The following BABAM2 variants were observed in gnomAD, a reference collection of about 807,000 sequenced individuals.
BABAM2 encodes the protein BRISC and BRCA1-A complex member 2.
Under a neutral mutation model 54.7 loss-of-function variants are expected in BABAM2, and 31 were observed. That is an observed-to-expected ratio of 0.57 (90% confidence interval 0.43 to 0.77). BABAM2 has a LOEUF of 0.77. Ranked by LOEUF, BABAM2 falls within the 30% of genes least tolerant of loss-of-function variation. The pLI is 0.00. For missense variants in BABAM2, 364 were observed against 455.8 expected, an observed-to-expected ratio of 0.80 and a Z score of 1.83; for synonymous variants, 167 against 162.9, an observed-to-expected ratio of 1.03 and a Z score of -0.19.
Position 28,282,774 on chromosome 2 carries a change from C to T in BABAM2, c.935-15564C>T, listed in dbSNP as rs1023179335. The stretch of plus-strand genomic sequence containing the variant: ...CAGTATTTTGGGAGGCCGAGGTGGG[C>T]GAATCACGAGGTCAGGAGTTCAAGA... On this transcript the variant is annotated intron_variant, in intron 10 of 11. Transcript: ENST00000379624. Among the ~76,000 whole-genome samples the T allele has an allele frequency of 9.2e-5, 14 of 151,752 alleles. No individual in the cohort carries two copies. In the East Asian group the frequency reaches 2.5e-3, roughly 27 times the overall value.
chr2:27,903,237 C>G (rs1665941330), intron 2 of BABAM2, among the ~76,000 whole-genome samples: 1 of 152,138 alleles, frequency 6.6e-6, no homozygotes, highest in South Asian at 2.1e-4. Context: ...GTCCTTGTGC[C>G]AGTTCCATAC....
intron 6 of BABAM2, among the ~76,000 whole-genome samples, chr2:28,127,505 G>A (rs1419045255): frequency 2.0e-5 from 3 of 152,092 alleles, no homozygotes; most frequent in Non-Finnish European, 4.4e-5. Flanking sequence ...TGAAGGGGAG[G>A]AGCGAGAGGA....
At chr2:28,208,930 C>T (rs778292229) in intron 7 of BABAM2, among the ~76,000 whole-genome samples, 1 of 152,078 alleles carries the variant, frequency 6.6e-6, no homozygotes, top group Non-Finnish European at 1.5e-5. Flanking sequence ...GCCCTTTCTC[C>T]TTGGAAATTG....
intron 9 of BABAM2, 37 bp downstream of exon 9, chr2:28,241,430 G>T (rs765406615): frequency 1.2e-5 from 19 of 1,584,356 alleles, no homozygotes; most frequent in African/African-American, 4.0e-5. Context: ...TACCGGTGAT[G>T]CCCTCGCTTG....
intron 3 of BABAM2, among the ~76,000 whole-genome samples, chr2:27,957,948 G>A (rs1170978893): frequency 1.3e-5 from 2 of 152,134 alleles, no homozygotes; most frequent in Non-Finnish European, 2.9e-5. Context: ...ATGCTGTCAG[G>A]TAGCCAAACT....
intron 3 of BABAM2, among the ~76,000 whole-genome samples, chr2:27,947,814 TC>T (rs1312459343): frequency 2.6e-5 from 4 of 152,212 alleles, no homozygotes; most frequent in Non-Finnish European, 4.4e-5. Context: ...AGTATGGACA[TC>T]CACATATTCT....
At chr2:28,004,618 A>G (rs1673820551) in intron 4 of BABAM2, among the ~76,000 whole-genome samples, 1 of 152,128 alleles carries the variant, frequency 6.6e-6, no homozygotes, top group South Asian at 2.1e-4. Flanking sequence ...GTTCTTTAGG[A>G]GGTTAAAAAA....
At chr2:28,250,313 T>C (rs2148098947) in intron 10 of BABAM2, among the ~76,000 whole-genome samples, 1 of 126,374 alleles carries the variant, frequency 7.9e-6, no homozygotes, top group East Asian at 2.6e-4. Context: ...AGGGCATTTG[T>C]TGAACTTTTT....
At chr2:28,176,407 T>C (rs1220971308) in intron 7 of BABAM2, among the ~76,000 whole-genome samples, 2 of 150,838 alleles carry the variant, frequency 1.3e-5, no homozygotes, top group Admixed American at 1.3e-4. Context: ...TTATCTCTAC[T>C]AAAAATACAA....
At chr2:28,015,134 G>A (rs996014740) in intron 4 of BABAM2, among the ~76,000 whole-genome samples, 2 of 152,078 alleles carry the variant, frequency 1.3e-5, no homozygotes, top group Non-Finnish European at 2.9e-5. Context: ...TCAGTAAAGG[G>A]CAAGACTGCT....
At chr2:28,182,230 G>C (rs1329359920) in intron 7 of BABAM2, among the ~76,000 whole-genome samples, 1 of 152,152 alleles carries the variant, frequency 6.6e-6, no homozygotes, top group Non-Finnish European at 1.5e-5. Context: ...CTCTATTTGG[G>C]GGAGAATAGC....
In BABAM2 at chr2:27,916,958, A is replaced by G. The variant is rs1667014881; in HGVS notation, c.129-12874A>G. 1.1e-4 allele frequency among the ~76,000 whole-genome samples: 17 copies of G among 150,714 alleles called. No individual in the cohort carries two copies. In the South Asian group the frequency reaches 3.6e-3, roughly 32 times the overall value. ...GTTTGATTTTTGTCTTCTGATTACA[A>G]GTTCTTGAGAATAGAGAATCCTTTG... On this transcript the variant is annotated intron_variant, in intron 2 of 11. Transcript: ENST00000379624.
At chr2:28,062,984 T>C (rs1679027059) in intron 6 of BABAM2, among the ~76,000 whole-genome samples, 2 of 152,224 alleles carry the variant, frequency 1.3e-5, no homozygotes, top group Non-Finnish European at 2.9e-5. Context: ...GCACGTCTTT[T>C]CCCCTTCTTC....
chr2:27,896,083 G>T (rs1441321432), intron 2 of BABAM2: 1 of 151,932 alleles, frequency 6.6e-6, no homozygotes, highest in Non-Finnish European at 1.5e-5. Flanking sequence ...AAATTTCACT[G>T]GACTCTGGGA....
chr2:28,026,929 T>TATATATATAA (rs1283512707), intron 5 of BABAM2, among the ~76,000 whole-genome samples: 328 of 12,974 alleles, frequency 0.025, 4 homozygotes, highest in South Asian at 0.05. Flanking sequence ...TATATATAAA[T>TATATATATAA]ATATATATAA....
chr2:27,913,409 GCAACAGTA>G (rs1291964071), intron 2 of BABAM2, among the ~76,000 whole-genome samples: 1 of 152,144 alleles, frequency 6.6e-6, no homozygotes, highest in Admixed American at 6.6e-5. Flanking sequence ...TCTCAGAGGG[GCAACAGTA>G]GTATGTTATT....
chr2:28,283,015 A>AAGG lies in BABAM2; in HGVS notation c.935-15322_935-15321insGGA, dbSNP rs1295492649. Among the ~76,000 whole-genome samples the AAGG allele has an allele frequency of 4.5e-4, 34 of 76,276 alleles. 2 individuals are homozygous for AAGG. The highest frequency in any genetic ancestry group is 1.2e-3 in the African/African-American group (26 of 21,802). 50.0% of individuals were successfully genotyped at this position (76,276 alleles called of 152,430 possible). A position where few individuals can be genotyped will look rare whatever the true frequency, so the allele number is the denominator to read the frequency against. ...TCCGTCCCAAAAAAAAAAAAAAAAA[A>AAGG]AAAGGAATGAAAACAAAACAAAAAA... On this transcript the variant is annotated intron_variant, in intron 10 of 11. Transcript: ENST00000379624.
intron 2 of BABAM2, among the ~76,000 whole-genome samples, chr2:27,929,024 T>G (rs1667913000): frequency 7.3e-6 from 1 of 137,002 alleles, no homozygotes; most frequent in South Asian, 2.4e-4. Context: ...GAGACCACCC[T>G]GGGTAACATA....
At chr2:28,123,237 A>G (rs773467952) in intron 6 of BABAM2, among the ~76,000 whole-genome samples, 5 of 152,188 alleles carry the variant, frequency 3.3e-5, no homozygotes, top group African/African-American at 4.8e-5. Flanking sequence ...GTGAATATTC[A>G]TTATACACTA....
Sources: gnomAD v4.1 joint callset for allele counts (sites outside exome capture counted in the v4.1 genomes callset) on GRCh38, gnomAD v4.1.1 for gene constraint, MANE v1.5 for transcripts, NCBI Gene and HGNC (gene_info 2026-07-23, HGNC 2026-07-21) for gene names.